Variants in TUBD1 observed in about 807,000 individuals in gnomAD.
TUBD1 encodes tubulin delta chain.
A neutral mutation model predicts 51.2 loss-of-function variants in TUBD1; 38 were observed. That is an observed-to-expected ratio of 0.74 (90% CI 0.57 to 0.97). TUBD1 has a LOEUF of 0.97. Ranked by LOEUF, TUBD1 falls within the 50% of genes least tolerant of loss-of-function variation. The pLI is 0.00. For synonymous variants in TUBD1, 169 were observed against 178.2 expected, an observed-to-expected ratio of 0.95 and a Z score of 0.41; for missense variants, 489 against 538.4, an observed-to-expected ratio of 0.91 and a Z score of 0.91.
At chr17:59,862,714 ATTTTTTTTTTTTTTTTT>A (rs71145582) in intron 8 of TUBD1, among the ~76,000 whole-genome samples, 1 of 56,974 alleles carries the variant, frequency 1.8e-5, no homozygotes, top group African/African-American at 8.4e-5. Flanking sequence ...TAATTTTTGT[ATTTTTTTTTTTTTTTTT>A]TTTTTTTTTT....
At chr17:59,882,513 C>G (rs959312230) in intron 3 of TUBD1, among the ~76,000 whole-genome samples, 1 of 151,998 alleles carries the variant, frequency 6.6e-6, no homozygotes, top group Non-Finnish European at 1.5e-5. Flanking sequence ...TTTCAAACTC[C>G]TGACCTCAAA....
rs1401667131 is a variant in TUBD1, at chr17:59,860,039, G to C, written c.*283C>G. On this transcript the variant is annotated 3_prime_UTR_variant, in exon 9 of 9. Coordinates refer to ENST00000325752, the MANE Select transcript of TUBD1 (RefSeq NM_016261.4). ...TTTTTTTTTTTTTTTTTTTTGAGAC[G>C]GAGTCTCGCTCTGTCGCCCAGGCTG... 1.8e-5 allele frequency: 3 copies of C among 166,682 alleles called. No individual in the cohort carries two copies. The highest frequency in any genetic ancestry group is 8.6e-5 in the African/African-American group (3 of 34,734). 10.3% of individuals were successfully genotyped at this position (166,682 alleles called of 1,614,324 possible).
intron 2 of TUBD1, among the ~76,000 whole-genome samples, chr17:59,889,116 T>A (rs1215853567): frequency 1.4e-5 from 2 of 142,558 alleles, no homozygotes; most frequent in Non-Finnish European, 3.0e-5. Context: ...CGGGTTCAAG[T>A]GATTCTCCTG....
At chr17:59,862,206 C>G (rs2039483760) in intron 8 of TUBD1, among the ~76,000 whole-genome samples, 1 of 151,186 alleles carries the variant, frequency 6.6e-6, no homozygotes, top group South Asian at 2.1e-4. Context: ...GCCTGTAATC[C>G]CAGCTACTTG....
chr17:59,873,842 G>C (rs972477745), intron 6 of TUBD1, among the ~76,000 whole-genome samples: 1 of 151,648 alleles, frequency 6.6e-6, no homozygotes, highest in Non-Finnish European at 1.5e-5. Context: ...TCCAGCCTGG[G>C]TGACAGAGCG....
chr17:59,890,953 A>G lies in TUBD1; in HGVS notation c.50T>C (p.Phe17Ser), dbSNP rs2040972192. The change falls in exon 2 of 9, where the codon TTT becomes TCT. Residue 17 changes from phenylalanine to serine, a missense_variant. Physicochemically the swap from Phe to Ser is radical, Grantham distance 155 (BLOSUM62 -2). Coordinates refer to ENST00000325752, the MANE Select transcript of TUBD1 (RefSeq NM_016261.4). ...QLGQCGNQIG[F>S]EVFDALLSDS... Reference sequence around the variant, plus strand: ...ACTAAGCAAAGCATCAAAAACTTCAAAACCAATCTGATTGCCACACTGACC... The same window carrying G: ...ACTAAGCAAAGCATCAAAAACTTCAGAACCAATCTGATTGCCACACTGACC... The G allele has an allele frequency of 2.5e-6, 4 of 1,613,974 alleles. No individual in the cohort carries two copies. Among genetic ancestry groups the G allele is most frequent in the Non-Finnish European group, 3.4e-6 (4 of 1,180,008 alleles).
At position 59,878,308 on chromosome 17, in the gene TUBD1, A is replaced by G. The variant is rs1034983016; in HGVS notation, c.564T>C (p.Ile188=). ...GEVIVQNYNS[I]LTLSHLYRSS... is the part of the protein sequence containing the mutation. ...ATCGGTACAAGTGAGAAAGTGTCAA[A>G]ATGGAGTTGTAGTTTTGAACAATAA... is the stretch of plus-strand genomic sequence containing the variant. Residue 188 remains isoleucine, a synonymous_variant, in exon 5 of 9, where the codon ATT becomes ATC. Transcript: ENST00000325752. 1 of 1,613,862 alleles carries G rather than the reference A, an allele frequency of 6.2e-7. No individual in the cohort carries two copies. Among genetic ancestry groups the G allele is most frequent in the Non-Finnish European group, 8.5e-7 (1 of 1,179,928 alleles).
intron 8 of TUBD1, 50 bp from the exon 9 acceptor site, chr17:59,860,474 C>T (rs1221586732): frequency 1.7e-6 from 2 of 1,185,258 alleles, no homozygotes; most frequent in Non-Finnish European, 2.4e-6. Flanking sequence ...AAATGTCTGG[C>T]AAATGAGTAA....
At chr17:59,869,994 T>C (rs1226451890) in intron 6 of TUBD1, among the ~76,000 whole-genome samples, 2 of 152,084 alleles carry the variant, frequency 1.3e-5, no homozygotes, top group Non-Finnish European at 2.9e-5. Context: ...AAATGGTTAC[T>C]GACTGCACAA....
chr17:59,863,910 A>C, intron 7 of TUBD1, 63 bp from the exon 8 acceptor site: 1 of 1,273,862 alleles, frequency 7.9e-7, no homozygotes, highest in Non-Finnish European at 1.0e-6. Flanking sequence ...GAAAACAAAC[A>C]AACAGATATT....
At chr17:59,881,402 T>A (rs1244634025) in intron 3 of TUBD1, among the ~76,000 whole-genome samples, 1 of 152,198 alleles carries the variant, frequency 6.6e-6, no homozygotes, top group South Asian at 2.1e-4. Flanking sequence ...TGCAAAAATT[T>A]AAAAAATTGC....
chr17:59,878,027 G>A, intron 5 of TUBD1, 76 bp downstream of exon 5: 1 of 1,154,024 alleles, frequency 8.7e-7, no homozygotes, highest in Non-Finnish European at 1.2e-6. Context: ...AGGCAGAGGA[G>A]GAGACAGAAA....
Position 59,878,312 on chromosome 17 carries a change from G to A in TUBD1, c.560C>T (p.Ser187Phe), listed in dbSNP as rs764374714. The change falls in exon 5 of 9, where the codon TCC becomes TTC. Residue 187 changes from serine to phenylalanine, a missense_variant. Physicochemically the swap from Ser to Phe is radical, Grantham distance 155. Coordinates refer to ENST00000325752, the MANE Select transcript of TUBD1 (RefSeq NM_016261.4). ...TGEVIVQNYN[S>F]ILTLSHLYRS... ...GTACAAGTGAGAAAGTGTCAAAATG[G>A]AGTTGTAGTTTTGAACAATAACCTG... 1.2e-6 allele frequency: 2 copies of A among 1,613,488 alleles called. No individual in the cohort carries two copies. Among genetic ancestry groups the A allele is most frequent in the South Asian group, 2.2e-5 (2 of 91,074 alleles).
At chr17:59,870,166 G>A (rs571847755) in intron 6 of TUBD1, among the ~76,000 whole-genome samples, 30 of 151,932 alleles carry the variant, frequency 2.0e-4, no homozygotes, top group South Asian at 8.3e-4. Flanking sequence ...TTCAAGACCA[G>A]CCTGGCCAAC....
chr17:59,866,110 CAAAA>C (rs1191579900), intron 7 of TUBD1, among the ~76,000 whole-genome samples: 80 of 76,210 alleles, frequency 1.0e-3, no homozygotes, highest in African/African-American at 2.6e-3. Context: ...GACCCCGTCT[CAAAA>C]AAAAAAAAAA....
intron 7 of TUBD1, among the ~76,000 whole-genome samples, chr17:59,864,876 T>A (rs748825099): frequency 3.3e-5 from 5 of 151,990 alleles, no homozygotes; most frequent in African/African-American, 1.2e-4. Context: ...TTTTTGATAA[T>A]GGATCTCACT....
chr17:59,870,595 A>T (rs760571016), intron 6 of TUBD1, among the ~76,000 whole-genome samples: 5 of 152,054 alleles, frequency 3.3e-5, no homozygotes, highest in Non-Finnish European at 5.9e-5. Flanking sequence ...AACCTTTGGA[A>T]AACCAGGTCA....
At chr17:59,891,568 T>C (rs1325599740) in intron 1 of TUBD1, among the ~76,000 whole-genome samples, 5 of 152,330 alleles carry the variant, frequency 3.3e-5, no homozygotes, top group Admixed American at 1.3e-4. Context: ...TTACTGTACC[T>C]GAATCCATTC....
At chr17:59,891,970 G>GA (rs901798053) in intron 1 of TUBD1, 159 of 134,224 alleles carry the variant, frequency 1.2e-3, no homozygotes, top group South Asian at 2.3e-3. Context: ...CCTGTCTCCA[G>GA]AAAAAAAAAA....
Sources: gnomAD v4.1 joint callset for allele counts (sites outside exome capture counted in the v4.1 genomes callset) on GRCh38, gnomAD v4.1.1 for gene constraint, MANE v1.5 for transcripts, NCBI Gene and HGNC (gene_info 2026-07-23, HGNC 2026-07-21) for gene names.